SYT17: variants seen among roughly 807,000 people sequenced by gnomAD.
SYT17 encodes the protein synaptotagmin 17.
A neutral mutation model predicts 46.7 loss-of-function variants in SYT17; 22 were observed. The ratio of observed to expected loss-of-function variants is 0.47; its 90% CI spans 0.34 to 0.67. The LOEUF (loss-of-function observed/expected upper bound fraction) is 0.67. Ranked by LOEUF, SYT17 falls within the 30% of genes least tolerant of loss-of-function variation. The pLI is 0.01. For missense variants in SYT17, 519 were observed against 612.8 expected, an observed-to-expected ratio of 0.85 and a Z score of 1.62; for synonymous variants, 251 against 248.4, an observed-to-expected ratio of 1.01 and a Z score of -0.10.
chr16:19,250,111 A>T (rs1597026936), intron 7 of SYT17: 2 of 1,484,272 alleles, frequency 1.3e-6, no homozygotes, highest in African/African-American at 2.8e-5. Context: ...TTTATTTTAA[A>T]GGCTTTGGTT....
chr16:19,233,537 TC>T (rs1966781033), intron 7 of SYT17, among the ~76,000 whole-genome samples: 1 of 151,808 alleles, frequency 6.6e-6, no homozygotes, highest in Non-Finnish European at 1.5e-5. Flanking sequence ...ATGTCTGTCA[TC>T]CCAGCTACTC....
chr16:19,259,234 G>A (rs943702357), intron 7 of SYT17, among the ~76,000 whole-genome samples: 1 of 152,124 alleles, frequency 6.6e-6, no homozygotes. Flanking sequence ...AGTCATTGGA[G>A]GAGGAGAACT....
rs189922462 is a variant in SYT17 at position 19,244,141 on chromosome 16, A to G, written c.1228+19303A>G. ...TACTTTATAAGCACTGTCTCAACTCATCGCACAACAACCAGACGAGGTAGG... is the reference window on the plus strand; with the variant it reads ...TACTTTATAAGCACTGTCTCAACTCGTCGCACAACAACCAGACGAGGTAGG... On this transcript the variant is annotated intron_variant, in intron 7 of 7. Transcript: ENST00000355377. Among the ~76,000 whole-genome samples the G allele has an allele frequency of 3.1e-4, 47 of 152,282 alleles. No individual in the cohort carries two copies. The East Asian group carries it at 8.5e-3, about 27-fold the overall frequency.
chr16:19,242,249 T>C (rs1967187571), intron 7 of SYT17, among the ~76,000 whole-genome samples: 3 of 152,160 alleles, frequency 2.0e-5, no homozygotes, highest in South Asian at 4.1e-4. Flanking sequence ...AGCTAAATAA[T>C]AGTGGAGTGA....
chr16:19,205,582 G>A (rs1339821099), intron 5 of SYT17, among the ~76,000 whole-genome samples: 1 of 152,032 alleles, frequency 6.6e-6, no homozygotes, highest in Non-Finnish European at 1.5e-5. Context: ...TGGGACTACA[G>A]GCATGTACCA....
At chr16:19,220,815 G>T (rs993504931) in intron 5 of SYT17, among the ~76,000 whole-genome samples, 2 of 152,128 alleles carry the variant, frequency 1.3e-5, no homozygotes, top group Admixed American at 1.3e-4. Context: ...GAGGAGTAAG[G>T]GGGACTCTGG....
intron 5 of SYT17, among the ~76,000 whole-genome samples, chr16:19,192,019 C>T (rs1198854711): frequency 1.3e-5 from 2 of 152,208 alleles, no homozygotes; most frequent in South Asian, 2.1e-4. Flanking sequence ...CTTCTGACCT[C>T]GTGATCTGCC....
At chr16:19,227,043 G>T (rs1441727473) in intron 7 of SYT17, among the ~76,000 whole-genome samples, 1 of 152,116 alleles carries the variant, frequency 6.6e-6, no homozygotes, top group Non-Finnish European at 1.5e-5. Context: ...GTGACCCTGG[G>T]CAAGATCTGC....
chr16:19,180,433 C>A lies in SYT17; in HGVS notation c.225C>A (p.His75Gln), dbSNP rs746503656. 4.3e-6 allele frequency: 7 copies of A among 1,614,232 alleles called. No homozygotes were observed. The highest frequency in any genetic ancestry group is 5.9e-6 in the Non-Finnish European group (7 of 1,180,046). ...GTGACAAGGATGGTGACTCTGTCCA[C>A]ACGGCCAGCGAAGTCCCGCTGACCC... ...RSSDKDGDSV[H>Q]TASEVPLTPR... The change falls in exon 4 of 8, where the codon CAC becomes CAA. Residue 75 changes from histidine to glutamine, a missense_variant. Transcript: ENST00000355377.
chr16:19,264,884 G>A (rs370006582), intron 7 of SYT17, among the ~76,000 whole-genome samples: 7 of 152,002 alleles, frequency 4.6e-5, no homozygotes, highest in Non-Finnish European at 7.4e-5. Context: ...GCGAGCCACC[G>A]TGCCCAGTCA....
intron 5 of SYT17, among the ~76,000 whole-genome samples, chr16:19,217,104 T>C (rs1404290557): frequency 6.6e-6 from 1 of 152,238 alleles, no homozygotes; most frequent in African/African-American, 2.4e-5. Context: ...CTCATTGTGG[T>C]TTTGATTTGC....
intron 5 of SYT17, among the ~76,000 whole-genome samples, chr16:19,191,545 A>G (rs962046916): frequency 6.6e-6 from 1 of 152,228 alleles, no homozygotes; most frequent in African/African-American, 2.4e-5. Flanking sequence ...CAAGCCGCCC[A>G]GTTGATAGTA....
intron 4 of SYT17, among the ~76,000 whole-genome samples, chr16:19,182,788 C>T (rs925047368): frequency 2.0e-5 from 3 of 152,204 alleles, no homozygotes; most frequent in African/African-American, 7.2e-5. Context: ...GGCCCGTAAG[C>T]GGTGAGGTTT....
intron 7 of SYT17, among the ~76,000 whole-genome samples, chr16:19,242,362 A>G (rs1446292223): frequency 6.6e-6 from 1 of 152,208 alleles, no homozygotes; most frequent in Non-Finnish European, 1.5e-5. Context: ...GGCAGAGGGA[A>G]TTGTGCAAAA....
In SYT17 at chr16:19,173,566, C is replaced by G; in HGVS notation, c.170C>G (p.Thr57Ser). 6.2e-7 allele frequency: 1 copy of G among 1,613,882 alleles called. No individual in the cohort carries two copies. Among genetic ancestry groups the G allele is most frequent in the Non-Finnish European group, 8.5e-7 (1 of 1,179,966 alleles). ...VEILGPFPAQ[T>S]PPWLMASRSS... The stretch of plus-strand genomic sequence containing the variant: ...ATTCTGGGACCTTTCCCTGCTCAGA[C>G]CCCTCCCTGGCTGTAAGTAAAACTG... Residue 57 changes from threonine to serine, a missense_variant, in exon 3 of 8, where the codon ACC (threonine) becomes AGC (serine). Coordinates refer to ENST00000355377, the MANE Select transcript of SYT17 (RefSeq NM_016524.4).
At chr16:19,204,533 T>C (rs539419797) in intron 5 of SYT17, among the ~76,000 whole-genome samples, 2 of 151,930 alleles carry the variant, frequency 1.3e-5, no homozygotes, top group African/African-American at 4.8e-5. Flanking sequence ...TGGGGCAGGG[T>C]GGTGCTGATG....
At chr16:19,181,149 GT>G (rs1479052360) in intron 4 of SYT17, among the ~76,000 whole-genome samples, 1 of 152,150 alleles carries the variant, frequency 6.6e-6, no homozygotes, top group African/African-American at 2.4e-5. Context: ...GGCAATCTGG[GT>G]TTTTTTATGT....
intron 7 of SYT17, among the ~76,000 whole-genome samples, chr16:19,255,977 A>G (rs1447746252): frequency 1.3e-5 from 2 of 152,118 alleles, no homozygotes; most frequent in African/African-American, 2.4e-5. Flanking sequence ...AAACAGCCCA[A>G]GCCTATTTCC....
chr16:19,170,853 C>T (rs913519811), intron 1 of SYT17: 3 of 152,126 alleles, frequency 2.0e-5, no homozygotes, highest in African/African-American at 4.8e-5. Flanking sequence ...CTGTACCTGC[C>T]GGGACAATAC....
Sources: gnomAD v4.1 joint callset for allele counts (sites outside exome capture counted in the v4.1 genomes callset) on GRCh38, gnomAD v4.1.1 for gene constraint, MANE v1.5 for transcripts, NCBI Gene and HGNC (gene_info 2026-07-23, HGNC 2026-07-21) for gene names.